RECQL5: variants seen among roughly 807,000 people sequenced by gnomAD.
The protein encoded by RECQL5 is ATP-dependent DNA helicase Q5.
RECQL5 carries 88 observed loss-of-function variants against 103.4 expected under a neutral mutation model. The observed-to-expected ratio is 0.85, with a 90% CI of 0.72 to 1.02. RECQL5 has a LOEUF of 1.02. Ranked by LOEUF, RECQL5 falls within the 50% of genes least tolerant of loss-of-function variation. The pLI, the probability that RECQL5 is intolerant of heterozygous loss-of-function variation, is 0.00. For missense variants in RECQL5, 1,232 were observed against 1,284.3 expected (o/e 0.96, Z 0.62); for synonymous variants, 552 against 507.9 (o/e 1.09, Z -1.17).
In RECQL5 at chr17:75,629,718, T is replaced by A. The variant is rs761112356; in HGVS notation, c.1937A>T (p.His646Leu). 6.2e-7 allele frequency: 1 copy of A among 1,610,988 alleles called. No individual in the cohort carries two copies. Among genetic ancestry groups the A allele is most frequent in the Non-Finnish European group, 8.5e-7 (1 of 1,177,976 alleles). Residue 646 changes from histidine (H) to leucine (L), a missense_variant, in exon 15 of 20, where the codon CAT (histidine) becomes CTT (leucine). Physicochemically the swap from His to Leu is moderately conservative, Grantham distance 99. Transcript: ENST00000317905. ...TGGGCCACAGCTCACCGAGTACACA[T>A]GGGAGGCTGGTGGAATGTCATACTC... is the stretch of plus-strand genomic sequence containing the variant. ...PNEYDIPPASHVYSLKPKRVG... is the reference protein window; with the variant it reads ...PNEYDIPPASLVYSLKPKRVG...
At chr17:75,657,198 G>A (rs1033779736) in intron 7 of RECQL5, among the ~76,000 whole-genome samples, 3 of 152,098 alleles carry the variant, frequency 2.0e-5, no homozygotes, top group Admixed American at 6.5e-5. Context: ...ACAAGAGCTC[G>A]TCTCTACAAA....
intron 8 of RECQL5, among the ~76,000 whole-genome samples, chr17:75,643,781 G>A (rs372249987): frequency 6.6e-6 from 1 of 152,302 alleles, no homozygotes. Context: ...CCACCTCTCT[G>A]TTCCCGCCAC....
At chr17:75,664,392 C>A (rs1167809513) in intron 3 of RECQL5, among the ~76,000 whole-genome samples, 1 of 152,230 alleles carries the variant, frequency 6.6e-6, no homozygotes, top group African/African-American at 2.4e-5. Context: ...CCATCTGCAA[C>A]TTCTGTCTCA....
At chr17:75,635,641 A>C (rs1311329379) in intron 8 of RECQL5, among the ~76,000 whole-genome samples, 1 of 152,202 alleles carries the variant, frequency 6.6e-6, no homozygotes, top group Non-Finnish European at 1.5e-5. Flanking sequence ...CCGGCTGCTC[A>C]GGCACAGGAC....
chr17:75,628,815 T>G (rs768109933), intron 16 of RECQL5, 53 bp from the exon 17 acceptor site: 2 of 1,604,018 alleles, frequency 1.2e-6, no homozygotes, highest in African/African-American at 2.7e-5. Flanking sequence ...GGCTCCCTCA[T>G]CCCAGGAGGC....
At chr17:75,665,326 TG>T (rs1196600260) in intron 2 of RECQL5, among the ~76,000 whole-genome samples, 154 bp from the exon 3 acceptor site, 6 of 152,150 alleles carry the variant, frequency 3.9e-5, no homozygotes, top group African/African-American at 1.4e-4. Flanking sequence ...GTCCTTTCTA[TG>T]AAAAAGGCAA....
intron 7 of RECQL5, among the ~76,000 whole-genome samples, chr17:75,654,795 A>T (rs149363624): frequency 1.3e-5 from 2 of 151,232 alleles, no homozygotes; most frequent in East Asian, 3.9e-4. Flanking sequence ...AATTTTTTTT[A>T]TTATTATTAG....
In RECQL5 at chr17:75,662,614, T is replaced by C. The variant is rs2059714453; in HGVS notation, c.636A>G (p.Pro212=). The change falls in exon 4 of 20, where the codon CCA becomes CCG. Residue 212 remains proline, a synonymous_variant. Coordinates refer to ENST00000317905, the MANE Select transcript of RECQL5 (RefSeq NM_004259.7). ...AGCAGGGAGTCTTGAAGATGGCAAC[T>C]GGTTTCTTCAGGTGCAGGGCAGCAA... ...DVFAALHLKK[P]VAIFKTPCFR... The C allele has an allele frequency of 1.2e-6, 2 of 1,614,072 alleles. No homozygotes were observed. The highest frequency in any genetic ancestry group is 1.7e-5 in the Admixed American group (1 of 60,002).
At position 75,662,637 on chromosome 17, in the gene RECQL5, C is replaced by G; in HGVS notation, c.613G>C (p.Ala205Pro). 6.2e-7 allele frequency: 1 copy of G among 1,614,200 alleles called. No homozygotes were observed. The change falls in exon 4 of 20, where the codon GCT becomes CCT. Residue 205 changes from alanine (A) to proline (P), a missense_variant. Coordinates refer to ENST00000317905, the MANE Select transcript of RECQL5 (RefSeq NM_004259.7). ...ATPQVQEDVF[A>P]ALHLKKPVAI... ...ACTGGTTTCTTCAGGTGCAGGGCAG[C>G]AAACACGTCCTCTTGGACCTGTGGG...
At position 75,662,909 on chromosome 17, in the gene RECQL5, G is replaced by C. The variant is rs1271913143; in HGVS notation, c.341C>G (p.Ala114Gly). Residue 114 changes from alanine to glycine, a missense_variant, in exon 4 of 20, where the codon GCT becomes GGT. Ala to Gly is a moderately conservative substitution (Grantham distance 60). Coordinates refer to ENST00000317905, the MANE Select transcript of RECQL5 (RefSeq NM_004259.7). ...CTGGGGCTTTTCTCGCTCCAGGTCA[G>C]CAAGCAGCTCCTTCCTTTCCTGTGC... ...LSAQERKELL[A>G]DLEREKPQTK... 6.2e-7 allele frequency: 1 copy of C among 1,614,172 alleles called. No homozygotes were observed. Among genetic ancestry groups the C allele is most frequent in the Admixed American group, 1.7e-5 (1 of 60,026 alleles).
rs1379528715 is a variant in RECQL5 at position 75,629,692 on chromosome 17, C to T, written c.1947+16G>A. Reference sequence around the variant, plus strand: ...TTCCTGGTCACAGGTCTGGAGGCCACTGGGCCACAGCTCACCGAGTACACA... The same window carrying T: ...TTCCTGGTCACAGGTCTGGAGGCCATTGGGCCACAGCTCACCGAGTACACA... On this transcript the variant is annotated intron_variant, in intron 15 of 19. Coordinates refer to ENST00000317905, the MANE Select transcript of RECQL5 (RefSeq NM_004259.7). 2 of 1,596,278 alleles carry T rather than the reference C, an allele frequency of 1.3e-6. No homozygotes were observed. The highest frequency in any genetic ancestry group is 2.2e-5 in the East Asian group (1 of 44,550).
chr17:75,636,447 G>C lies in RECQL5; in HGVS notation c.1230-4779C>G, dbSNP rs1285311520. The C allele has an allele frequency of 1.3e-5, 2 of 152,274 alleles. No individual in the cohort carries two copies. The highest frequency in any genetic ancestry group is 4.8e-5 in the African/African-American group (2 of 41,458). 9.4% of individuals were successfully genotyped at this position (152,274 alleles called of 1,614,324 possible). A position where few individuals can be genotyped will look rare whatever the true frequency, so the allele number is the denominator to read the frequency against. On this transcript the variant is annotated intron_variant, in intron 8 of 19. Transcript: ENST00000317905. The surrounding 1 kb of genome is among the most constrained non-coding windows in gnomAD (Gnocchi z 5.4). ...CCTTCCTCCTGCCAAACCTAGGAAG[G>C]GAAAGGGGAGGAGAGGTGGCCAGCC...
chr17:75,633,713 C>G (rs952913939), intron 8 of RECQL5: 3 of 1,122,584 alleles, frequency 2.7e-6, no homozygotes, highest in Non-Finnish European at 2.2e-6. Context: ...TTCCTGAGGG[C>G]AGGGTGGGTG....
intron 7 of RECQL5, among the ~76,000 whole-genome samples, chr17:75,657,074 A>G (rs2059632694): frequency 6.6e-6 from 1 of 152,112 alleles, no homozygotes; most frequent in Admixed American, 6.5e-5. Context: ...GAGATTAGAA[A>G]TAAGTACTTA....
At chr17:75,645,039 T>C (rs926755529) in intron 8 of RECQL5, among the ~76,000 whole-genome samples, 8 of 152,186 alleles carry the variant, frequency 5.3e-5, no homozygotes, top group African/African-American at 1.9e-4. Context: ...CCTGGATTGC[T>C]ATCTTCTAGT....
Position 75,630,631 on chromosome 17 carries a change from C to T in RECQL5, c.1706G>A (p.Arg569His), listed in dbSNP as rs368304075. 1.1e-5 allele frequency: 18 copies of T among 1,613,694 alleles called. No homozygotes were observed. Among genetic ancestry groups the T allele is most frequent in the Non-Finnish European group, 1.4e-5 (17 of 1,179,838 alleles). Residue 569 changes from arginine to histidine, a missense_variant, in exon 13 of 20, where the codon CGT (arginine) becomes CAT (histidine). Arg to His is a conservative substitution (Grantham distance 29). Coordinates refer to ENST00000317905, the MANE Select transcript of RECQL5 (RefSeq NM_004259.7). ...EALSSNRQST[R>H]TADEADLRAK... ...TCGTGGAACTCACTCATCAGCGGTA[C>T]GTGTTGACTGGCGGTTGCTGCTCAG...
At position 75,636,292 on chromosome 17, in the gene RECQL5, C is replaced by T. The variant is rs1338081005; in HGVS notation, c.1230-4624G>A. Among the ~76,000 whole-genome samples the T allele has an allele frequency of 6.6e-6, 1 of 151,910 alleles. No individual in the cohort carries two copies. Among genetic ancestry groups the T allele is most frequent in the Admixed American group, 6.6e-5 (1 of 15,258 alleles). On this transcript the variant is annotated intron_variant, in intron 8 of 19. Coordinates refer to ENST00000317905, the MANE Select transcript of RECQL5 (RefSeq NM_004259.7). This position sits in a 1 kb window ranked among gnomAD's most constrained non-coding sequence, Gnocchi z 5.4. ...TGGTTCGCAGGTGGGCACTACCAAGCGTGGGGTTGGGAGGGACTGGTTGCC... is the reference window on the plus strand; with the variant it reads ...TGGTTCGCAGGTGGGCACTACCAAGTGTGGGGTTGGGAGGGACTGGTTGCC...
intron 7 of RECQL5, among the ~76,000 whole-genome samples, chr17:75,653,257 C>T (rs2059577442): frequency 6.6e-6 from 1 of 152,244 alleles, no homozygotes; most frequent in Admixed American, 6.5e-5. Context: ...AAAGTACAGG[C>T]TCACCTTGGG....
At chr17:75,664,149 T>C (rs935112930) in intron 3 of RECQL5, among the ~76,000 whole-genome samples, 6 of 152,092 alleles carry the variant, frequency 3.9e-5, no homozygotes, top group Admixed American at 2.6e-4. Flanking sequence ...AAGTTATTAC[T>C]GTAGTTCCCT....
Sources: allele counts gnomAD v4.1 joint callset (sites outside exome capture counted in the v4.1 genomes callset), GRCh38; gene constraint gnomAD v4.1.1; non-coding constraint Gnocchi (gnomAD v3.1); transcripts MANE v1.5; gene names NCBI Gene and HGNC (gene_info 2026-07-23, HGNC 2026-07-21).